The following APBB2 variants were observed in gnomAD, a reference collection of about 807,000 sequenced individuals.
The protein encoded by APBB2 is amyloid beta precursor protein binding family B member 2, also known as Fe65-like 1.
A neutral mutation model predicts 82.5 loss-of-function variants in APBB2; 38 were observed. That is an observed-to-expected ratio of 0.46 (90% CI 0.36 to 0.60). APBB2 has a LOEUF of 0.60. Ranked by LOEUF, APBB2 falls within the 20% of genes least tolerant of loss-of-function variation. The pLI is 0.00. For missense variants in APBB2, 772 were observed against 972.3 expected (o/e 0.79, Z 2.74); for synonymous variants, 341 against 368.2 (o/e 0.93, Z 0.85).
chr4:41,052,926 G>T (rs934068041), intron 4 of APBB2, among the ~76,000 whole-genome samples: 1 of 151,930 alleles, frequency 6.6e-6, no homozygotes, highest in Admixed American at 6.6e-5. Flanking sequence ...ACTGCACTGG[G>T]CCAATTTTTT....
intron 1 of APBB2, among the ~76,000 whole-genome samples, chr4:41,193,251 A>G (rs779472339): frequency 2.0e-5 from 3 of 152,244 alleles, no homozygotes; most frequent in Admixed American, 6.5e-5. Context: ...AAAATAGGGA[A>G]AAGATGATAA....
chr4:40,983,778 C>T (rs576604614), intron 6 of APBB2, among the ~76,000 whole-genome samples: 8 of 152,118 alleles, frequency 5.3e-5, no homozygotes, highest in South Asian at 2.1e-4. Flanking sequence ...GGGTTCCACA[C>T]GTCGGCCAAG....
rs1182836687 is a variant in APBB2 at position 40,816,163 on chromosome 4, T to G, written c.2209A>C (p.Asn737His). The change falls in exon 18 of 18, where the codon AAT becomes CAT. Residue 737 changes from asparagine (N) to histidine (H), a missense_variant. Coordinates refer to ENST00000508593, the MANE Select transcript of APBB2 (RefSeq NM_004307.2). ...AGGGATAAGACCCCTCGTTTTACAT[T>G]GGTTGTGACTCTTCTGGTTACTGAA... ...ADSVTRRVTT[N>H]VKRGVLSLID... 6.2e-7 allele frequency: 1 copy of G among 1,614,092 alleles called. No individual in the cohort carries two copies. Among genetic ancestry groups the G allele is most frequent in the East Asian group, 2.2e-5 (1 of 44,900 alleles).
rs142392009 is a variant in APBB2, at chr4:40,914,914, T to G, written c.1254+19542A>C. 2.4e-3 allele frequency among the ~76,000 whole-genome samples: 370 copies of G among 152,174 alleles called. 4 individuals carry two copies. The highest frequency in any genetic ancestry group is 8.6e-3 in the African/African-American group (356 of 41,528). ...GCACTAGAAACCATGAGTCCCTGGG[T>G]TTTTGTCCTAGTTCTGCTACTGACT... On this transcript the variant is annotated intron_variant, in intron 10 of 17. Coordinates refer to ENST00000508593, the MANE Select transcript of APBB2 (RefSeq NM_004307.2).
rs528149475 is a variant in APBB2 at position 41,072,507 on chromosome 4, G to T, written c.-148-6834C>A. Among the ~76,000 whole-genome samples the T allele has an allele frequency of 1.1e-3, 166 of 151,428 alleles. 1 individual carries two copies. The Middle Eastern group carries it at 0.014, about 12-fold the overall frequency. On this transcript the variant is annotated intron_variant, in intron 3 of 17. Transcript: ENST00000508593. The stretch of plus-strand genomic sequence containing the variant: ...TTTGGAATTCAAATAAAATAATGAA[G>T]TGTAAGAGAACGAAACTTAAAATAC...
intron 1 of APBB2, among the ~76,000 whole-genome samples, chr4:41,162,077 TA>T (rs1425108564): frequency 6.6e-6 from 1 of 152,048 alleles, no homozygotes; most frequent in Non-Finnish European, 1.5e-5. Context: ...ATATATCTCT[TA>T]AAAAGATAAA....
At chr4:40,957,925 T>C (rs1363420319) in intron 6 of APBB2, among the ~76,000 whole-genome samples, 1 of 152,156 alleles carries the variant, frequency 6.6e-6, no homozygotes, top group Admixed American at 6.5e-5. Flanking sequence ...TAGGATATGA[T>C]CAGAGGTTGG....
At chr4:41,177,367 C>T (rs544341998) in intron 1 of APBB2, among the ~76,000 whole-genome samples, 86 of 152,286 alleles carry the variant, frequency 5.6e-4, no homozygotes, top group African/African-American at 2.0e-3. Context: ...CTATGCAGCC[C>T]TGAAAGCAGT....
chr4:40,985,296 G>C (rs554564849), intron 6 of APBB2, among the ~76,000 whole-genome samples: 2 of 151,742 alleles, frequency 1.3e-5, no homozygotes. Flanking sequence ...AAAAAATGCA[G>C]TTAATAAATT....
At chr4:41,189,226 C>T (rs1008396556) in intron 1 of APBB2, among the ~76,000 whole-genome samples, 4 of 152,056 alleles carry the variant, frequency 2.6e-5, no homozygotes, top group African/African-American at 9.7e-5. Context: ...CTCACAACAA[C>T]GTGGATGGTT....
At chr4:40,911,509 G>A (rs971551923) in intron 10 of APBB2, among the ~76,000 whole-genome samples, 4 of 152,148 alleles carry the variant, frequency 2.6e-5, no homozygotes, top group Admixed American at 2.6e-4. Context: ...CGATTCAGTC[G>A]GGGGACCTAG....
At chr4:40,849,228 T>C (rs1272864122) in intron 12 of APBB2, among the ~76,000 whole-genome samples, 2 of 152,294 alleles carry the variant, frequency 1.3e-5, no homozygotes, top group East Asian at 3.9e-4. Flanking sequence ...TGAAACAATG[T>C]TAATAAAACA....
At chr4:41,000,069 ATGTGTGTGTGTGTG>A (rs779111046) in intron 6 of APBB2, among the ~76,000 whole-genome samples, 5 of 130,686 alleles carry the variant, frequency 3.8e-5, no homozygotes, top group African/African-American at 9.3e-5. Context: ...ATATGTGTGT[ATGTGTGTGTGTGTG>A]TGTGTGTGTG....
At chr4:40,885,479 T>C (rs2154348555) in intron 12 of APBB2, among the ~76,000 whole-genome samples, 1 of 152,306 alleles carries the variant, frequency 6.6e-6, no homozygotes, top group South Asian at 2.1e-4. Context: ...GTTGTGACTG[T>C]CCCAGGTGTG....
chr4:40,830,410 A>G (rs1417865163), intron 13 of APBB2, 53 bp downstream of exon 13: 1 of 1,280,742 alleles, frequency 7.8e-7, no homozygotes, highest in Non-Finnish European at 1.1e-6. Flanking sequence ...ACATCCTTTT[A>G]TGCAGCAAGA....
At position 40,881,242 on chromosome 4, in the gene APBB2, C is replaced by T. The variant is rs1399938496; in HGVS notation, c.1529+9122G>A. On this transcript the variant is annotated intron_variant, in intron 12 of 17. Transcript: ENST00000508593. ...ATAGTGTAGGGAGAGAATTATTGTT[C>T]CTTCCTGAAGACTTTTCTCCCTGAG... is the stretch of plus-strand genomic sequence containing the variant. 14 of 984,778 alleles carry T rather than the reference C, an allele frequency of 1.4e-5. No individual in the cohort carries two copies. The African/African-American group carries it at 2.5e-4, about 17-fold the overall frequency. 61.0% of individuals were successfully genotyped at this position (984,778 alleles called of 1,614,324 possible).
At position 40,827,560 on chromosome 4, in the gene APBB2, G is replaced by A. The variant is rs573804341; in HGVS notation, c.1645-341C>T. Among the ~76,000 whole-genome samples the A allele has an allele frequency of 2.7e-3, 406 of 152,220 alleles. 1 individual carries two copies. Among genetic ancestry groups the A allele is most frequent in the African/African-American group, 8.9e-3 (370 of 41,532 alleles). On this transcript the variant is annotated intron_variant, in intron 13 of 17. Transcript: ENST00000508593. The stretch of plus-strand genomic sequence containing the variant: ...ACCCTGCCGGCCCACAGTGGCCAGC[G>A]GCAGCCACAGCAGTGGCTTCTTCCA...
At position 40,830,821 on chromosome 4, in the gene APBB2, C is replaced by T. The variant is rs183705006; in HGVS notation, c.1530-244G>A. Among the ~76,000 whole-genome samples, 4 of 152,224 alleles carry T rather than the reference C, an allele frequency of 2.6e-5. No individual in the cohort carries two copies. The East Asian group carries it at 5.8e-4, about 22-fold the overall frequency. Reference sequence around the variant, plus strand: ...CAGTGGCTCATGTCTGTAATCCCAACGTTTTGAGAGACCAAGGTAAGATGA... The same window carrying T: ...CAGTGGCTCATGTCTGTAATCCCAATGTTTTGAGAGACCAAGGTAAGATGA... On this transcript the variant is annotated intron_variant, in intron 12 of 17. Coordinates refer to ENST00000508593, the MANE Select transcript of APBB2 (RefSeq NM_004307.2).
chr4:41,010,777 G>A (rs75457646), intron 6 of APBB2, among the ~76,000 whole-genome samples: 5,192 of 152,158 alleles, frequency 0.034, 128 homozygotes, highest in Middle Eastern at 0.065. Context: ...ACGTTCTTAC[G>A]TGAAAAAAAG....
Sources: allele counts gnomAD v4.1 joint callset (sites outside exome capture counted in the v4.1 genomes callset), GRCh38; gene constraint gnomAD v4.1.1; transcripts MANE v1.5; gene names NCBI Gene and HGNC (gene_info 2026-07-23, HGNC 2026-07-21).